CFAP57: variants seen among roughly 807,000 people sequenced by gnomAD.
The protein encoded by CFAP57 is cilia- and flagella-associated protein 57.
CFAP57 carries 116 observed loss-of-function variants against 146.8 expected under a neutral mutation model. The observed-to-expected ratio is 0.79, with a 90% CI of 0.68 to 0.92. CFAP57 has a LOEUF of 0.92. CFAP57 is among the 40% of genes least tolerant of loss of function. The pLI is 0.00. For missense variants in CFAP57, 1,377 were observed against 1,527.2 expected (o/e 0.90, Z 1.64); for synonymous variants, 518 against 552.8 (o/e 0.94, Z 0.88).
intron 2 of CFAP57, chr1:43,176,998 G>C (rs1645198850): frequency 2.6e-6 from 1 of 382,822 alleles, no homozygotes; most frequent in South Asian, 1.9e-5. Flanking sequence ...AAGAGGGGAG[G>C]CAAAGAAAGA....
chr1:43,183,018 G>A (rs931309576), intron 3 of CFAP57, among the ~76,000 whole-genome samples: 2 of 152,222 alleles, frequency 1.3e-5, no homozygotes, highest in African/African-American at 2.4e-5. Context: ...CCGGTCAGCC[G>A]CTCAATCACT....
intron 22 of CFAP57, chr1:43,250,438 A>G (rs1646295054): frequency 6.6e-6 from 1 of 152,228 alleles, no homozygotes. Context: ...AACCAGGCCC[A>G]ACTCTGCTTA....
chr1:43,219,000 T>C (rs1358788387), intron 12 of CFAP57, among the ~76,000 whole-genome samples: 1 of 152,122 alleles, frequency 6.6e-6, no homozygotes, highest in East Asian at 1.9e-4. Flanking sequence ...AAGTAAATTG[T>C]AGAAAGTGCA....
chr1:43,201,775 C>G lies in CFAP57; in HGVS notation c.1542+2272C>G, dbSNP rs1644133704. Among the ~76,000 whole-genome samples, 1 of 152,176 alleles carries G rather than the reference C, an allele frequency of 6.6e-6. No homozygotes were observed. Among genetic ancestry groups the G allele is most frequent in the Non-Finnish European group, 1.5e-5 (1 of 68,034 alleles). ...GGATTACAGGCATGTACCACCACAC[C>G]CGGGTAATTTTGTATTTTTAATAGA... On this transcript the variant is annotated intron_variant, in intron 9 of 22. Coordinates refer to ENST00000372492, the MANE Select transcript of CFAP57 (RefSeq NM_001378189.1). The surrounding 1 kb of genome is among the most constrained non-coding windows in gnomAD (Gnocchi z 4.4).
chr1:43,250,592 T>A (rs1474854835), intron 22 of CFAP57, among the ~76,000 whole-genome samples: 1 of 152,188 alleles, frequency 6.6e-6, no homozygotes, highest in Non-Finnish European at 1.5e-5. Context: ...CCCATGACTA[T>A]ATCAAACACA....
chr1:43,212,803 G>A (rs1244812681), intron 11 of CFAP57, among the ~76,000 whole-genome samples: 1 of 151,870 alleles, frequency 6.6e-6, no homozygotes, highest in Non-Finnish European at 1.5e-5. Context: ...GCATGGTGGT[G>A]CACGCCTGTA....
intron 13 of CFAP57, among the ~76,000 whole-genome samples, chr1:43,220,036 G>A (rs1320164879): frequency 1.3e-5 from 2 of 152,118 alleles, no homozygotes; most frequent in African/African-American, 2.4e-5. Flanking sequence ...ACCACTTTAT[G>A]GTGAATGGTA....
chr1:43,194,625 G>A (rs1276048673), intron 6 of CFAP57: 1 of 152,094 alleles, frequency 6.6e-6, no homozygotes, highest in East Asian at 1.9e-4. Context: ...CTGAGGCTCT[G>A]TAAATTTCTA....
chr1:43,195,532 GA>G (rs1161812804), intron 6 of CFAP57, among the ~76,000 whole-genome samples: 1,344 of 131,726 alleles, frequency 0.01, 7 homozygotes, highest in Non-Finnish European at 0.015. Flanking sequence ...AAGAAAAAAA[GA>G]AAAAAAAAAA....
chr1:43,240,904 G>A (rs770242929), intron 21 of CFAP57, among the ~76,000 whole-genome samples: 11 of 152,172 alleles, frequency 7.2e-5, no homozygotes, highest in African/African-American at 1.7e-4. Context: ...GCACGATCTC[G>A]GCTCACTGCA....
intron 19 of CFAP57, among the ~76,000 whole-genome samples, chr1:43,234,041 T>G (rs752306881): frequency 3.3e-5 from 5 of 152,068 alleles, no homozygotes; most frequent in Non-Finnish European, 5.9e-5. Flanking sequence ...TGAAGCCCCA[T>G]GTAGGCTGTT....
At chr1:43,241,794 G>A (rs891086162) in intron 21 of CFAP57, among the ~76,000 whole-genome samples, 5 of 152,306 alleles carry the variant, frequency 3.3e-5, no homozygotes, top group South Asian at 4.1e-4. Context: ...GTCAGGTGAT[G>A]TATTTGTATG....
intron 10 of CFAP57, among the ~76,000 whole-genome samples, chr1:43,209,090 A>G (rs981377026): frequency 6.6e-6 from 1 of 152,224 alleles, no homozygotes; most frequent in Non-Finnish European, 1.5e-5. Context: ...AAATTAAACC[A>G]TATCATAGTT....
chr1:43,172,851 C>A lies in CFAP57; in HGVS notation c.98C>A (p.Pro33His). 6.2e-7 allele frequency: 1 copy of A among 1,614,142 alleles called. No individual in the cohort carries two copies. The highest frequency in any genetic ancestry group is 8.5e-7 in the Non-Finnish European group (1 of 1,179,992). ...TTCGATGAACAGATCATTATATTTC[C>A]TTCAGGAAATCACTGTGTGAAGTAC... ...FYFDEQIIIF[P>H]SGNHCVKYNV... The change falls in exon 2 of 23, where the codon CCT becomes CAT. Residue 33 changes from proline to histidine, a missense_variant. Physicochemically the swap from Pro to His is moderately conservative, Grantham distance 77. Coordinates refer to ENST00000372492, the MANE Select transcript of CFAP57 (RefSeq NM_001378189.1).
At chr1:43,249,071 T>G (rs1407333991) in intron 22 of CFAP57, among the ~76,000 whole-genome samples, 1 of 144,608 alleles carries the variant, frequency 6.9e-6, no homozygotes, top group South Asian at 2.2e-4. Flanking sequence ...TTTTTTTGTA[T>G]TTTTAGTAGA....
rs1374685986 is a variant in CFAP57 at position 43,201,062 on chromosome 1, T to C, written c.1542+1559T>C. Among the ~76,000 whole-genome samples the C allele has an allele frequency of 6.6e-6, 1 of 152,096 alleles. No individual in the cohort carries two copies. The highest frequency in any genetic ancestry group is 1.5e-5 in the Non-Finnish European group (1 of 68,012). On this transcript the variant is annotated intron_variant, in intron 9 of 22. Transcript: ENST00000372492. This position sits in a 1 kb window ranked among gnomAD's most constrained non-coding sequence, Gnocchi z 4.4. The stretch of plus-strand genomic sequence containing the variant: ...AGTTCCATTTTGGCCATGTGATATT[T>C]GACGTGCCCAGAAGTGTGATGTATG...
chr1:43,216,678 A>T (rs504112), intron 12 of CFAP57, among the ~76,000 whole-genome samples: 145,398 of 152,224 alleles, frequency 0.96, 69,468 homozygotes, highest in East Asian at 1. Context: ...CTGTTCCCTG[A>T]AAACCTTTCT....
intron 18 of CFAP57, among the ~76,000 whole-genome samples, chr1:43,229,070 G>A (rs555177338): frequency 2.7e-5 from 4 of 149,084 alleles, no homozygotes; most frequent in African/African-American, 7.5e-5. Flanking sequence ...GGGCACCAAC[G>A]TTCATCAGAC....
rs1345839138 is a variant in CFAP57 at position 43,183,893 on chromosome 1, G to A, written c.761+16G>A. 5 of 1,613,014 alleles carry A rather than the reference G, an allele frequency of 3.1e-6. No individual in the cohort carries two copies. The highest frequency in any genetic ancestry group is 4.2e-6 in the Non-Finnish European group (5 of 1,180,018). ...AATCAGAGAGGTAATGGTGCTTCCTGGGCTGGTGCTCCCACATTCATTGTA... is the reference window on the plus strand; with the variant it reads ...AATCAGAGAGGTAATGGTGCTTCCTAGGCTGGTGCTCCCACATTCATTGTA... On this transcript the variant is annotated intron_variant, in intron 4 of 22. Coordinates refer to ENST00000372492, the MANE Select transcript of CFAP57 (RefSeq NM_001378189.1).
Sources: gnomAD v4.1 joint callset for allele counts (sites outside exome capture counted in the v4.1 genomes callset) on GRCh38, gnomAD v4.1.1 for gene constraint, Gnocchi (gnomAD v3.1) non-coding constraint, MANE v1.5 for transcripts, NCBI Gene and HGNC (gene_info 2026-07-23, HGNC 2026-07-21) for gene names.